Variants in GREM2 observed in about 807,000 individuals in gnomAD.
The protein encoded by GREM2 is gremlin 2, DAN family BMP antagonist, also known as gremlin-2.
GREM2 carries 11 observed loss-of-function variants against 14.2 expected under a neutral mutation model. That is an observed-to-expected ratio of 0.78 (90% CI 0.49 to 1.28). GREM2 has a LOEUF of 1.28. GREM2 is among the 50% of genes most tolerant of loss of function. The pLI, the probability that GREM2 is intolerant of heterozygous loss-of-function variation, is 0.00. For missense variants in GREM2, 210 were observed against 218.5 expected (o/e 0.96, Z 0.24); for synonymous variants, 98 against 97.6 (o/e 1.00, Z -0.02).
In GREM2 at chr1:240,492,044, C is replaced by T. The variant is rs1297776950; in HGVS notation, c.*925G>A. On this transcript the variant is annotated 3_prime_UTR_variant, in exon 2 of 2. Transcript: ENST00000318160. The stretch of plus-strand genomic sequence containing the variant: ...TTTCTGAGTAAGACACCTTCTGGGC[C>T]TGCTGTCATCCTTACTCCGAATGGT... 5 of 188,482 alleles carry T rather than the reference C, an allele frequency of 2.7e-5. No homozygotes were observed. In the East Asian group the frequency reaches 5.5e-4, roughly 21 times the overall value. 11.7% of individuals were successfully genotyped at this position (188,482 alleles called of 1,614,324 possible).
At chr1:240,544,366 C>G (rs1220219521) in intron 1 of GREM2, among the ~76,000 whole-genome samples, 1 of 152,128 alleles carries the variant, frequency 6.6e-6, no homozygotes, top group Non-Finnish European at 1.5e-5. Context: ...CCAGGATGGT[C>G]TCGATCTCCT....
chr1:240,495,391 A>G (rs189737613), intron 1 of GREM2, among the ~76,000 whole-genome samples: 1 of 152,168 alleles, frequency 6.6e-6, no homozygotes, highest in Non-Finnish European at 1.5e-5. Flanking sequence ...ATCAGTTGTT[A>G]TATTTATCAA....
intron 1 of GREM2, among the ~76,000 whole-genome samples, chr1:240,529,127 CTGG>C (rs1237918033): frequency 6.6e-6 from 1 of 151,938 alleles, no homozygotes; most frequent in Non-Finnish European, 1.5e-5. Context: ...GCAGGATTTC[CTGG>C]TGAGGCTGGG....
intron 1 of GREM2, among the ~76,000 whole-genome samples, chr1:240,584,986 T>C (rs1207190491): frequency 2.0e-5 from 3 of 151,904 alleles, no homozygotes; most frequent in Non-Finnish European, 2.9e-5. Context: ...TCCCTTCCAT[T>C]TGAGGGGGAA....
chr1:240,571,696 C>T (rs1241109688), intron 1 of GREM2, among the ~76,000 whole-genome samples: 2 of 151,700 alleles, frequency 1.3e-5, no homozygotes, highest in African/African-American at 4.8e-5. Flanking sequence ...GAAACTCCAT[C>T]GCAAAAAAAG....
intron 1 of GREM2, among the ~76,000 whole-genome samples, chr1:240,566,711 C>T (rs1242310592): frequency 6.6e-6 from 1 of 152,168 alleles, no homozygotes; most frequent in East Asian, 1.9e-4. Context: ...GGTAATGTCA[C>T]TGCTCCCCAG....
chr1:240,590,350 A>G (rs1431808639), intron 1 of GREM2, among the ~76,000 whole-genome samples: 1 of 151,958 alleles, frequency 6.6e-6, no homozygotes, highest in South Asian at 2.1e-4. Context: ...TCTGAGCACA[A>G]GTGTCCTCTA....
intron 1 of GREM2, among the ~76,000 whole-genome samples, chr1:240,596,669 C>G (rs964970991): frequency 1.3e-5 from 2 of 151,752 alleles, no homozygotes; most frequent in African/African-American, 4.8e-5. Context: ...TGCACTCCAG[C>G]CTGGGCAACA....
Position 240,540,796 on chromosome 1 carries a change from C to T in GREM2, c.-1-47320G>A, listed in dbSNP as rs761797974. Among the ~76,000 whole-genome samples the T allele has an allele frequency of 7.9e-4, 120 of 152,196 alleles. No homozygotes were observed. The highest frequency in any genetic ancestry group is 1.5e-3 in the Non-Finnish European group (101 of 68,004). On this transcript the variant is annotated intron_variant, in intron 1 of 1. Transcript: ENST00000318160. The surrounding 1 kb of genome is among the most constrained non-coding windows in gnomAD (Gnocchi z 4.2). ...CAGGGTGGTCTTGATCTACTGACCT[C>T]GTGATCTGCCTGCCTCGGCCTCCCA... is the stretch of plus-strand genomic sequence containing the variant.
chr1:240,522,915 C>T (rs1678134737), intron 1 of GREM2, among the ~76,000 whole-genome samples: 1 of 147,378 alleles, frequency 6.8e-6, no homozygotes, highest in South Asian at 2.2e-4. Flanking sequence ...CCATAAAACA[C>T]CTTCTTAAAA....
intron 1 of GREM2, among the ~76,000 whole-genome samples, chr1:240,538,801 A>G (rs1310022450): frequency 6.6e-6 from 1 of 152,234 alleles, no homozygotes; most frequent in Non-Finnish European, 1.5e-5. Context: ...CCAATTATTT[A>G]CAAAATATTA....
At chr1:240,504,471 A>C (rs532386275) in intron 1 of GREM2, among the ~76,000 whole-genome samples, 1 of 152,326 alleles carries the variant, frequency 6.6e-6, no homozygotes, top group East Asian at 1.9e-4. Flanking sequence ...TTCTTCCACG[A>C]GATCTGTTGA....
intron 1 of GREM2, among the ~76,000 whole-genome samples, chr1:240,585,889 AGCTTGT>A (rs1232171324): frequency 6.6e-6 from 1 of 151,976 alleles, no homozygotes. Context: ...AGGGAAAGGA[AGCTTGT>A]GCATTTAAAA....
intron 1 of GREM2, among the ~76,000 whole-genome samples, chr1:240,517,334 A>G (rs535328102): frequency 3.7e-4 from 56 of 152,344 alleles, no homozygotes; most frequent in African/African-American, 1.3e-3. Flanking sequence ...ACATTTAAGA[A>G]TTGTAGCAAC....
At chr1:240,591,452 G>C (rs549278190) in intron 1 of GREM2, among the ~76,000 whole-genome samples, 5 of 152,176 alleles carry the variant, frequency 3.3e-5, no homozygotes, top group African/African-American at 1.2e-4. Context: ...GATGAAGGGG[G>C]CTGGTGTTGA....
chr1:240,551,926 G>T (rs754260065), intron 1 of GREM2, among the ~76,000 whole-genome samples: 22 of 152,150 alleles, frequency 1.4e-4, no homozygotes, highest in Admixed American at 6.5e-5. Context: ...TATAGAAAGG[G>T]AGTGTAAATT....
chr1:240,543,640 C>A lies in GREM2; in HGVS notation c.-1-50164G>T, dbSNP rs1235196564. On this transcript the variant is annotated intron_variant, in intron 1 of 1. Coordinates refer to ENST00000318160, the MANE Select transcript of GREM2 (RefSeq NM_022469.4). The surrounding 1 kb of genome is among the most constrained non-coding windows in gnomAD (Gnocchi z 6.4). ...AGTCTAACAATTCCCACAAAAAATTCTATTTAGTTTTAGGAACAAAGCATA... is the reference window on the plus strand; with the variant it reads ...AGTCTAACAATTCCCACAAAAAATTATATTTAGTTTTAGGAACAAAGCATA... Among the ~76,000 whole-genome samples, 1 of 152,100 alleles carries A rather than the reference C, an allele frequency of 6.6e-6. No individual in the cohort carries two copies. Among genetic ancestry groups the A allele is most frequent in the Non-Finnish European group, 1.5e-5 (1 of 68,020 alleles).
intron 1 of GREM2, among the ~76,000 whole-genome samples, chr1:240,503,067 G>A (rs1322723655): frequency 6.6e-6 from 1 of 152,132 alleles, no homozygotes; most frequent in African/African-American, 2.4e-5. Flanking sequence ...CTTCCATGAG[G>A]GGCAAGCACA....
chr1:240,583,258 A>G (rs948718796), intron 1 of GREM2, among the ~76,000 whole-genome samples: 3 of 152,182 alleles, frequency 2.0e-5, no homozygotes, highest in East Asian at 1.9e-4. Context: ...ATGGAGGAAA[A>G]AAAAGGGCAA....
Sources: allele counts gnomAD v4.1 joint callset (sites outside exome capture counted in the v4.1 genomes callset), GRCh38; gene constraint gnomAD v4.1.1; non-coding constraint Gnocchi (gnomAD v3.1); transcripts MANE v1.5; gene names NCBI Gene and HGNC (gene_info 2026-07-23, HGNC 2026-07-21).